DEPDC5: variants seen among roughly 807,000 people sequenced by gnomAD.
DEPDC5 encodes the protein GATOR1 complex protein DEPDC5.
Under a neutral mutation model 217.3 loss-of-function variants are expected in DEPDC5, and 73 were observed. The observed-to-expected ratio is 0.34, with a 90% CI of 0.28 to 0.41. The LOEUF (loss-of-function observed/expected upper bound fraction) is 0.41, where lower values mean the gene tolerates loss of function less well. Among genes scored for constraint, DEPDC5 ranks in the 10% least tolerant of loss-of-function variants. The probability of loss-of-function intolerance (pLI) is 1.00; values close to 1 mark genes in which losing one functional copy is unlikely to be tolerated. For synonymous variants in DEPDC5, 733 were observed against 756.7 expected, an observed-to-expected ratio of 0.97 and a Z score of 0.51; for missense variants, 1,675 against 2,070.1, an observed-to-expected ratio of 0.81 and a Z score of 3.70.
At chr22:31,886,411 A>G (rs2093313874) in intron 38 of DEPDC5, among the ~76,000 whole-genome samples, 1 of 152,172 alleles carries the variant, frequency 6.6e-6, no homozygotes, top group Non-Finnish European at 1.5e-5. Flanking sequence ...CTTCAGCTCA[A>G]GATGAAATTC....
At position 31,798,634 on chromosome 22, in the gene DEPDC5, G is replaced by A. The variant is rs2086526079; in HGVS notation, c.924G>A (p.Glu308=). ...NSTSAQGNYL[E]AINLSFNVFD... ...CCTCAGCACAAGGAAACTACCTGGAGGCCATCAATCTGTCATTCAATGGTG... is the reference window on the plus strand; with the variant it reads ...CCTCAGCACAAGGAAACTACCTGGAAGCCATCAATCTGTCATTCAATGGTG... Residue 308 remains glutamate (E), a synonymous_variant, in exon 14 of 43, where the codon GAG becomes GAA. Transcript: ENST00000651528. 6.2e-7 allele frequency: 1 copy of A among 1,611,858 alleles called. No individual in the cohort carries two copies. Among genetic ancestry groups the A allele is most frequent in the Non-Finnish European group, 8.5e-7 (1 of 1,178,640 alleles).
intron 33 of DEPDC5, 56 bp from the exon 34 acceptor site, chr22:31,870,534 G>C: frequency 6.9e-7 from 1 of 1,449,162 alleles, no homozygotes; most frequent in African/African-American, 1.4e-5. Flanking sequence ...CTTATTTACT[G>C]TGTTTTCCTG....
intron 10 of DEPDC5, among the ~76,000 whole-genome samples, chr22:31,789,489 C>G (rs1266427951): frequency 1.3e-5 from 2 of 152,100 alleles, no homozygotes; most frequent in African/African-American, 2.4e-5. Context: ...TGGGGAGTGA[C>G]TGTTTCATCA....
At chr22:31,873,065 A>G (rs2149248045) in intron 34 of DEPDC5, 190 bp from the exon 35 acceptor site, 2 of 1,157,330 alleles carry the variant, frequency 1.7e-6, no homozygotes, top group Non-Finnish European at 2.3e-6. Context: ...CTAAATGTGT[A>G]TATTTTAAAA....
chr22:31,876,751 T>A (rs2093002194), intron 37 of DEPDC5, among the ~76,000 whole-genome samples: 1 of 152,238 alleles, frequency 6.6e-6, no homozygotes, highest in Non-Finnish European at 1.5e-5. Flanking sequence ...GGGGTTTTTT[T>A]TCTTTTGTTT....
chr22:31,843,523 G>T, intron 28 of DEPDC5, 122 bp from the exon 29 acceptor site: 1 of 1,189,452 alleles, frequency 8.4e-7, no homozygotes, highest in Non-Finnish European at 1.2e-6. Flanking sequence ...GGATAAGTTG[G>T]TTACTACAGT....
In DEPDC5 at chr22:31,814,814, A is replaced by G. The variant is rs186753282; in HGVS notation, c.1446-178A>G. 1.1e-3 allele frequency: 669 copies of G among 622,428 alleles called. 1 individual carries two copies. Among genetic ancestry groups the G allele is most frequent in the Non-Finnish European group, 1.4e-3 (489 of 354,528 alleles). 38.6% of individuals were successfully genotyped at this position (622,428 alleles called of 1,614,324 possible). A position where few individuals can be genotyped will look rare whatever the true frequency, so the allele number is the denominator to read the frequency against. On this transcript the variant is annotated intron_variant, in intron 20 of 42. Coordinates refer to ENST00000651528, the MANE Select transcript of DEPDC5 (RefSeq NM_001242896.3). The stretch of plus-strand genomic sequence containing the variant: ...GTCTGTCATTTCCCCCCTCTCTTAT[A>G]TAACATCTCAAGCTGTTAAGGGTGA...
In DEPDC5 at chr22:31,838,822, G is replaced by A; in HGVS notation, c.2492G>A (p.Ser831Asn). 1 of 1,614,064 alleles carries A rather than the reference G, an allele frequency of 6.2e-7. No homozygotes were observed. The highest frequency in any genetic ancestry group is 1.3e-5 in the African/African-American group (1 of 75,040). ...AATCCTGCTGTCCCGCCCCCGCTGA[G>A]CAGTAGCCCACTCTATAGCCGAGGT... is the stretch of plus-strand genomic sequence containing the variant. ...KPNPAVPPPLSSSPLYSRGLV... is the reference protein window; with the variant it reads ...KPNPAVPPPLNSSPLYSRGLV... The change falls in exon 27 of 43, where the codon AGC becomes AAC. Residue 831 changes from serine (S) to asparagine (N), a missense_variant. Transcript: ENST00000651528.
intron 12 of DEPDC5, among the ~76,000 whole-genome samples, chr22:31,794,800 C>T (rs900552241): frequency 6.6e-6 from 1 of 152,008 alleles, no homozygotes; most frequent in Non-Finnish European, 1.5e-5. Flanking sequence ...GTGGGAGGAT[C>T]ACTTGAGCCT....
At chr22:31,858,070 A>G (rs1451647906) in intron 32 of DEPDC5, 1 of 152,252 alleles carries the variant, frequency 6.6e-6, no homozygotes, top group Non-Finnish European at 1.5e-5. Flanking sequence ...AATAAAATAC[A>G]ACAGTTAAGC....
intron 14 of DEPDC5, among the ~76,000 whole-genome samples, chr22:31,799,342 C>CT (rs111494517): frequency 5.1e-4 from 73 of 144,166 alleles, no homozygotes; most frequent in East Asian, 1.2e-3. Context: ...AGCACCTGGC[C>CT]TTTTTTTTTT....
chr22:31,792,525 G>A (rs2085781896), intron 11 of DEPDC5, among the ~76,000 whole-genome samples: 1 of 137,898 alleles, frequency 7.3e-6, no homozygotes, highest in Non-Finnish European at 1.5e-5. Context: ...AGAGTCGCTT[G>A]AATTCAGGAG....
At chr22:31,759,364 G>T (rs1299186566) in intron 3 of DEPDC5, among the ~76,000 whole-genome samples, 8 of 125,574 alleles carry the variant, frequency 6.4e-5, no homozygotes, top group East Asian at 5.0e-4. Flanking sequence ...CGTTTTTTTT[G>T]TTTTTTTTGT....
chr22:31,861,588 T>C lies in DEPDC5; in HGVS notation c.3330+155T>C, dbSNP rs115877132. 0.011 allele frequency among the ~76,000 whole-genome samples: 1,708 copies of C among 152,288 alleles called. 30 individuals are homozygous for C. Among genetic ancestry groups the C allele is most frequent in the African/African-American group, 0.04 (1,656 of 41,554 alleles). On this transcript the variant is annotated intron_variant, in intron 33 of 42. Transcript: ENST00000651528. ...TCTCAGAATTGTACATTCTCTTCCA[T>C]GTTGTTTGTGGCGGCGAAGGGGGGG...
At chr22:31,878,529 G>A (rs1400151181) in intron 37 of DEPDC5, among the ~76,000 whole-genome samples, 4 of 149,282 alleles carry the variant, frequency 2.7e-5, no homozygotes, top group Admixed American at 1.3e-4. Context: ...GAAACATAGC[G>A]AAACCCCATC....
intron 38 of DEPDC5, among the ~76,000 whole-genome samples, chr22:31,886,214 ATCTC>A (rs1237416560): frequency 6.6e-6 from 1 of 151,822 alleles, no homozygotes; most frequent in Non-Finnish European, 1.5e-5. Flanking sequence ...TGTAGAGACA[ATCTC>A]TCTCTGTGTT....
At chr22:31,848,516 T>TAC (rs2091866299) in intron 31 of DEPDC5, among the ~76,000 whole-genome samples, 1 of 152,180 alleles carries the variant, frequency 6.6e-6, no homozygotes, top group Non-Finnish European at 1.5e-5. Flanking sequence ...GCCTGAGCTG[T>TAC]ACATTGGCCC....
chr22:31,881,317 A>G (rs948684839), intron 38 of DEPDC5, among the ~76,000 whole-genome samples: 4 of 151,058 alleles, frequency 2.6e-5, no homozygotes, highest in African/African-American at 9.7e-5. Flanking sequence ...AAGTTTTCAG[A>G]TCCTCAGATT....
chr22:31,834,117 G>A (rs781316773), intron 25 of DEPDC5, 137 bp downstream of exon 25: 14 of 866,084 alleles, frequency 1.6e-5, no homozygotes, highest in Non-Finnish European at 2.5e-5. Flanking sequence ...GGAAGGCGAT[G>A]TGGTGAGGGA....
Sources: gnomAD v4.1 joint callset for allele counts (sites outside exome capture counted in the v4.1 genomes callset) on GRCh38, gnomAD v4.1.1 for gene constraint, MANE v1.5 for transcripts, NCBI Gene and HGNC (gene_info 2026-07-23, HGNC 2026-07-21) for gene names.